Variants in FAM227B observed in about 807,000 individuals in gnomAD.
The protein encoded by FAM227B is family with sequence similarity 227 member B, also known as protein FAM227B.
In FAM227B, 88 loss-of-function variants were observed where a neutral mutation model predicts 73.8. That is an observed-to-expected ratio of 1.19 (90% confidence interval 1.00 to 1.42). The LOEUF (loss-of-function observed/expected upper bound fraction) is 1.42. Among genes scored for constraint, FAM227B ranks in the 40% most tolerant of loss-of-function variants. The probability of loss-of-function intolerance (pLI) is 0.00; values close to 1 mark genes in which losing one functional copy is unlikely to be tolerated. For missense variants in FAM227B, 632 were observed against 590.9 expected, an observed-to-expected ratio of 1.07 and a Z score of -0.72; for synonymous variants, 210 against 190.5, an observed-to-expected ratio of 1.10 and a Z score of -0.84.
chr15:49,559,124 C>T (rs1328530260), intron 9 of FAM227B, among the ~76,000 whole-genome samples: 4 of 152,076 alleles, frequency 2.6e-5, no homozygotes, highest in African/African-American at 9.7e-5. Context: ...TGAATCTAAA[C>T]TAGGAGTCAT....
intron 11 of FAM227B, among the ~76,000 whole-genome samples, chr15:49,402,446 A>G (rs77889751): frequency 0.051 from 7,790 of 152,158 alleles, 267 homozygotes; most frequent in East Asian, 0.071. Context: ...GTGTCCTCCA[A>G]TTTCTTTAAG....
intron 12 of FAM227B, among the ~76,000 whole-genome samples, chr15:49,369,709 T>C (rs906045736): frequency 6.6e-6 from 1 of 152,186 alleles, no homozygotes; most frequent in Non-Finnish European, 1.5e-5. Context: ...CTGGAAAATT[T>C]TTCATCTTGA....
At chr15:49,550,414 C>T (rs2072779696) in intron 9 of FAM227B, among the ~76,000 whole-genome samples, 1 of 151,690 alleles carries the variant, frequency 6.6e-6, no homozygotes, top group Middle Eastern at 3.4e-3. Flanking sequence ...GACGGGGTGG[C>T]TGCTGGGCGG....
chr15:49,493,156 T>G (rs2057268820), intron 11 of FAM227B, among the ~76,000 whole-genome samples: 1 of 151,982 alleles, frequency 6.6e-6, no homozygotes, highest in Admixed American at 6.6e-5. Context: ...AGTTTAGCAA[T>G]AGCATCCTAT....
intron 7 of FAM227B, among the ~76,000 whole-genome samples, chr15:49,575,891 T>G (rs908549548): frequency 1.2e-4 from 19 of 152,218 alleles, no homozygotes; most frequent in African/African-American, 4.3e-4. Flanking sequence ...AGTTTTGGTT[T>G]AAATAGGCAG....
At chr15:49,471,484 AAATAATAATAATAATAATAATAAT>A (rs201297260) in intron 11 of FAM227B, among the ~76,000 whole-genome samples, 29 of 137,852 alleles carry the variant, frequency 2.1e-4, no homozygotes, top group Admixed American at 5.9e-4. Flanking sequence ...CTCTATCTCA[AAATAATAATAATAATAATAATAAT>A]AATAATAATA....
At chr15:49,444,803 C>A (rs2151854649) in intron 11 of FAM227B, among the ~76,000 whole-genome samples, 1 of 151,754 alleles carries the variant, frequency 6.6e-6, no homozygotes, top group East Asian at 1.9e-4. Flanking sequence ...TTTAAGCCAT[C>A]TTGAATCAAT....
At chr15:49,516,488 T>A (rs2059386870) in intron 10 of FAM227B, among the ~76,000 whole-genome samples, 1 of 152,064 alleles carries the variant, frequency 6.6e-6, no homozygotes, top group Admixed American at 6.6e-5. Context: ...TTCTGATGGG[T>A]TCAGGAAAGG....
chr15:49,596,721 A>C (rs2076906822), intron 3 of FAM227B, among the ~76,000 whole-genome samples: 1 of 152,010 alleles, frequency 6.6e-6, no homozygotes, highest in Non-Finnish European at 1.5e-5. Context: ...TGTTATCTTC[A>C]AGAGACTCAC....
intron 11 of FAM227B, among the ~76,000 whole-genome samples, chr15:49,502,771 T>A (rs2152095758): frequency 6.6e-6 from 1 of 152,278 alleles, no homozygotes; most frequent in Admixed American, 6.5e-5. Flanking sequence ...ATAGTTTGGA[T>A]ATTTGTCCCT....
intron 12 of FAM227B, 135 bp downstream of exon 12, chr15:49,371,167 T>C (rs2045778084): frequency 2.2e-6 from 1 of 455,374 alleles, no homozygotes; most frequent in Non-Finnish European, 4.0e-6. Context: ...AAATCTCTTT[T>C]GACCATTAAA....
At chr15:49,355,417 C>G (rs889917369) in intron 13 of FAM227B, among the ~76,000 whole-genome samples, 2 of 152,100 alleles carry the variant, frequency 1.3e-5, no homozygotes, top group Admixed American at 6.5e-5. Flanking sequence ...AGCTGAAAAC[C>G]AAGGCTCGAG....
rs1269291928 is a variant in FAM227B, at chr15:49,328,588, A to C, written c.1507T>G (p.Phe503Val). The C allele has an allele frequency of 1.3e-6, 2 of 1,598,048 alleles. No individual in the cohort carries two copies. The highest frequency in any genetic ancestry group is 1.7e-6 in the Non-Finnish European group (2 of 1,169,576). Residue 503 changes from phenylalanine (F) to valine (V), a missense_variant, in exon 16 of 16, where the codon TTT becomes GTT. Coordinates refer to ENST00000299338, the MANE Select transcript of FAM227B (RefSeq NM_152647.3). ...TTCTCTTAGTATTCTTCTTCCTCAA[A>C]GTTGTAGTTGTCTGTTGATGATGGT... Reference protein sequence around the residue: ...SSPSSTDNYNFEEEEY With the variant: ...SSPSSTDNYNVEEEEY
intron 10 of FAM227B, among the ~76,000 whole-genome samples, chr15:49,515,654 A>C (rs930968438): frequency 2.0e-5 from 3 of 152,140 alleles, no homozygotes; most frequent in African/African-American, 7.2e-5. Context: ...GTCTAGAATG[A>C]ACTGTGTTTA....
At chr15:49,608,327 C>A (rs1029275175) in intron 3 of FAM227B, among the ~76,000 whole-genome samples, 4 of 152,090 alleles carry the variant, frequency 2.6e-5, no homozygotes, top group Admixed American at 6.5e-5. Context: ...TTGGCAGTGG[C>A]AGAAGCACAA....
At chr15:49,458,435 G>A (rs2053511784) in intron 11 of FAM227B, among the ~76,000 whole-genome samples, 1 of 151,986 alleles carries the variant, frequency 6.6e-6, no homozygotes, top group Admixed American at 6.6e-5. Flanking sequence ...TCATTTAAAG[G>A]TTTTGGTTTT....
chr15:49,580,933 T>A (rs2075771117), intron 5 of FAM227B, among the ~76,000 whole-genome samples: 2 of 151,818 alleles, frequency 1.3e-5, no homozygotes, highest in South Asian at 4.2e-4. Context: ...CACACAAAAA[T>A]AAATAAAAAA....
At chr15:49,554,745 AG>A (rs1203289989) in intron 9 of FAM227B, among the ~76,000 whole-genome samples, 1 of 152,172 alleles carries the variant, frequency 6.6e-6, no homozygotes, top group African/African-American at 2.4e-5. Flanking sequence ...AGCTAAAACT[AG>A]GCACTATAAG....
intron 11 of FAM227B, among the ~76,000 whole-genome samples, chr15:49,481,738 A>G (rs2055965414): frequency 6.6e-6 from 1 of 152,186 alleles, no homozygotes; most frequent in Admixed American, 6.5e-5. Context: ...GATAATGCTT[A>G]ATAAATATAT....
Sources: gnomAD v4.1 joint callset for allele counts (sites outside exome capture counted in the v4.1 genomes callset) on GRCh38, gnomAD v4.1.1 for gene constraint, MANE v1.5 for transcripts, NCBI Gene and HGNC (gene_info 2026-07-23, HGNC 2026-07-21) for gene names.